Variants in ERBB4 observed in about 807,000 individuals in gnomAD.
ERBB4 encodes the protein receptor tyrosine-protein kinase erbB-4.
In ERBB4, 42 loss-of-function variants were observed where a neutral mutation model predicts 158.0. That is an observed-to-expected ratio of 0.27 (90% CI 0.21 to 0.34). ERBB4 has a LOEUF of 0.34. Among genes scored for constraint, ERBB4 ranks in the 10% least tolerant of loss-of-function variants. The pLI is 1.00. For missense variants in ERBB4, 1,333 were observed against 1,624.1 expected (o/e 0.82, Z 3.08); for synonymous variants, 583 against 558.7 (o/e 1.04, Z -0.61).
intron 5 of ERBB4, among the ~76,000 whole-genome samples, chr2:211,747,762 C>A (rs1161689395): frequency 6.6e-6 from 1 of 151,642 alleles, no homozygotes; most frequent in Non-Finnish European, 1.5e-5. Flanking sequence ...GATTGAATTT[C>A]ACATTTTTTA....
At chr2:212,352,048 A>T (rs1278655184) in intron 1 of ERBB4, among the ~76,000 whole-genome samples, 1 of 152,158 alleles carries the variant, frequency 6.6e-6, no homozygotes, top group Non-Finnish European at 1.5e-5. Context: ...TCATTATCTT[A>T]AGCAAACTAA....
chr2:211,889,569 G>C (rs1222521815), intron 3 of ERBB4, among the ~76,000 whole-genome samples: 1 of 151,820 alleles, frequency 6.6e-6, no homozygotes, highest in Non-Finnish European at 1.5e-5. Flanking sequence ...TGACTTTGAC[G>C]AGCTGAGAGA....
At chr2:211,655,843 C>T (rs1420716560) in intron 16 of ERBB4, among the ~76,000 whole-genome samples, 1 of 152,138 alleles carries the variant, frequency 6.6e-6, no homozygotes, top group African/African-American at 2.4e-5. Flanking sequence ...CTTGATTGTG[C>T]CCAAGTGTCA....
chr2:212,078,428 C>G (rs2078336698), intron 2 of ERBB4, among the ~76,000 whole-genome samples: 1 of 151,754 alleles, frequency 6.6e-6, no homozygotes, highest in African/African-American at 2.4e-5. Flanking sequence ...AGATAATATC[C>G]TATTATTGAA....
chr2:211,636,896 T>C (rs2070383305), intron 16 of ERBB4, among the ~76,000 whole-genome samples: 1 of 152,080 alleles, frequency 6.6e-6, no homozygotes, highest in Middle Eastern at 3.4e-3. Flanking sequence ...ATAAAACCCA[T>C]GAGTATGTGT....
At chr2:211,970,945 T>G (rs1308434208) in intron 2 of ERBB4, among the ~76,000 whole-genome samples, 2 of 152,116 alleles carry the variant, frequency 1.3e-5, no homozygotes, top group Non-Finnish European at 2.9e-5. Flanking sequence ...TGTGCAGACT[T>G]GTTTATGTGG....
chr2:211,580,847 T>C (rs2068065805), intron 19 of ERBB4, among the ~76,000 whole-genome samples: 3 of 59,720 alleles, frequency 5.0e-5, no homozygotes, highest in African/African-American at 1.3e-4. Flanking sequence ...TTATATATTA[T>C]ATATATAGTA....
At chr2:211,667,074 C>G (rs1189460166) in intron 14 of ERBB4, among the ~76,000 whole-genome samples, 3 of 150,730 alleles carry the variant, frequency 2.0e-5, no homozygotes, top group Non-Finnish European at 2.9e-5. Flanking sequence ...AATACACTAA[C>G]ACTAATGACA....
At chr2:212,387,084 C>T (rs1281145459) in intron 1 of ERBB4, among the ~76,000 whole-genome samples, 2 of 151,986 alleles carry the variant, frequency 1.3e-5, no homozygotes, top group Non-Finnish European at 2.9e-5. Context: ...TATTAAAAAT[C>T]AAGCAAATAA....
chr2:211,565,258 T>C (rs928272180), intron 19 of ERBB4, among the ~76,000 whole-genome samples: 3 of 151,430 alleles, frequency 2.0e-5, no homozygotes, highest in African/African-American at 7.4e-5. Context: ...AAACATGAAA[T>C]ACTGATATAA....
intron 1 of ERBB4, among the ~76,000 whole-genome samples, chr2:212,265,970 C>T (rs928126306): frequency 7.9e-5 from 12 of 152,028 alleles, no homozygotes; most frequent in African/African-American, 2.7e-4. Flanking sequence ...CCTCGCTAAT[C>T]GGTCCCCACA....
intron 3 of ERBB4, among the ~76,000 whole-genome samples, chr2:211,930,980 C>T (rs2080159087): frequency 6.6e-6 from 1 of 152,026 alleles, no homozygotes; most frequent in Non-Finnish European, 1.5e-5. Context: ...GAATTGGTAG[C>T]TCTACTCAGC....
intron 1 of ERBB4, among the ~76,000 whole-genome samples, chr2:212,495,628 A>G (rs1327746679): frequency 2.0e-5 from 3 of 152,146 alleles, no homozygotes. Flanking sequence ...GCTATGTCTC[A>G]CCTGACAGCA....
At chr2:211,464,772 A>T (rs2064631240) in intron 20 of ERBB4, among the ~76,000 whole-genome samples, 1 of 152,042 alleles carries the variant, frequency 6.6e-6, no homozygotes, top group Admixed American at 6.6e-5. Context: ...TTAACATTTT[A>T]ACTTGATACA....
intron 4 of ERBB4, among the ~76,000 whole-genome samples, chr2:211,759,671 T>C (rs1425953951): frequency 6.6e-6 from 1 of 152,164 alleles, no homozygotes. Flanking sequence ...TACATTTAAA[T>C]AGCAAACATT....
At chr2:211,944,326 A>G (rs551987218) in intron 3 of ERBB4, among the ~76,000 whole-genome samples, 122 of 150,746 alleles carry the variant, frequency 8.1e-4, no homozygotes, top group African/African-American at 2.9e-3. Flanking sequence ...TACCCTGTCG[A>G]AAGTACTTAA....
At chr2:211,855,022 G>A (rs2077819738) in intron 3 of ERBB4, among the ~76,000 whole-genome samples, 2 of 151,972 alleles carry the variant, frequency 1.3e-5, no homozygotes, top group Admixed American at 6.6e-5. Context: ...AACAACATTC[G>A]TTACTTTAAG....
At chr2:211,523,840 T>C (rs911308588) in intron 20 of ERBB4, among the ~76,000 whole-genome samples, 2 of 152,092 alleles carry the variant, frequency 1.3e-5, no homozygotes, top group Non-Finnish European at 2.9e-5. Flanking sequence ...GCTTTTATTC[T>C]CTTATCTGGC....
At chr2:212,512,672 C>A (rs1691590749) in intron 1 of ERBB4, among the ~76,000 whole-genome samples, 1 of 152,140 alleles carries the variant, frequency 6.6e-6, no homozygotes. Context: ...CTGCATATAT[C>A]ACCGACTATT....
Sources: allele counts gnomAD v4.1 joint callset (sites outside exome capture counted in the v4.1 genomes callset), GRCh38; gene constraint gnomAD v4.1.1; transcripts MANE v1.5; gene names NCBI Gene and HGNC (gene_info 2026-07-23, HGNC 2026-07-21).